Variants in KIZ observed in about 807,000 individuals in gnomAD.
KIZ encodes kizuna centrosomal protein.
KIZ carries 68 observed loss-of-function variants against 79.6 expected under a neutral mutation model. The ratio of observed to expected loss-of-function variants is 0.85; its 90% CI spans 0.70 to 1.05. KIZ has a LOEUF of 1.05. KIZ is among the 50% of genes least tolerant of loss of function. The probability of loss-of-function intolerance (pLI) is 0.00; values close to 1 mark genes in which losing one functional copy is unlikely to be tolerated. For missense variants in KIZ, 797 were observed against 800.4 expected (o/e 1.00, Z 0.05); for synonymous variants, 280 against 281.8 (o/e 0.99, Z 0.06).
chr20:21,155,177 T>C (rs1320588131), intron 4 of KIZ, among the ~76,000 whole-genome samples: 1 of 152,184 alleles, frequency 6.6e-6, no homozygotes, highest in East Asian at 1.9e-4. Flanking sequence ...CATTCAAGCA[T>C]AGCAGCTTGC....
At chr20:21,184,117 A>G (rs2034773748) in intron 6 of KIZ, among the ~76,000 whole-genome samples, 1 of 151,238 alleles carries the variant, frequency 6.6e-6, no homozygotes, top group Non-Finnish European at 1.5e-5. Flanking sequence ...TGGCAGACCC[A>G]ACACTTTCCT....
At chr20:21,228,365 T>A (rs1186219999) in intron 9 of KIZ, among the ~76,000 whole-genome samples, 3 of 152,216 alleles carry the variant, frequency 2.0e-5, no homozygotes, top group Non-Finnish European at 4.4e-5. Flanking sequence ...CCAATTTCAC[T>A]TATAGCAGAT....
At chr20:21,228,256 A>G (rs899720464) in intron 9 of KIZ, among the ~76,000 whole-genome samples, 1 of 152,138 alleles carries the variant, frequency 6.6e-6, no homozygotes, top group Non-Finnish European at 1.5e-5. Flanking sequence ...TTCATCCTGC[A>G]TTTCATCTGG....
chr20:21,141,797 C>T (rs894917018), intron 3 of KIZ, among the ~76,000 whole-genome samples: 2 of 136,534 alleles, frequency 1.5e-5, no homozygotes, highest in African/African-American at 6.0e-5. Context: ...TTACTCCTCC[C>T]AACACACACA....
chr20:21,146,572 T>A (rs2032860299), intron 4 of KIZ, among the ~76,000 whole-genome samples: 1 of 152,226 alleles, frequency 6.6e-6, no homozygotes, highest in Non-Finnish European at 1.5e-5. Context: ...ACCGATGGAA[T>A]CATTCAGCCA....
rs556051843 is a variant in KIZ at position 21,161,814 on chromosome 20, C to A, written c.406-57C>A. The stretch of plus-strand genomic sequence containing the variant: ...TTTCATTTCTGGAAAAAAAAAAAAA[C>A]CCCACCTAATTGTTTATACACAGTA... On this transcript the variant is annotated intron_variant, in intron 4 of 12. Coordinates refer to ENST00000619189, the MANE Select transcript of KIZ (RefSeq NM_018474.6). The A allele has an allele frequency of 2.6e-4, 288 of 1,094,334 alleles. 1 individual carries two copies. The highest frequency in any genetic ancestry group is 2.1e-3 in the East Asian group (80 of 37,402). The allele number at this position is 1,094,334 out of a possible 1,614,324, so 67.8% of individuals were successfully genotyped here.
intron 6 of KIZ, among the ~76,000 whole-genome samples, chr20:21,189,122 G>T (rs2035012031): frequency 2.0e-5 from 3 of 152,130 alleles, no homozygotes; most frequent in Non-Finnish European, 2.9e-5. Context: ...GGGATTAGAG[G>T]TATGAGCCAC....
At chr20:21,150,454 C>G (rs1196424949) in intron 4 of KIZ, among the ~76,000 whole-genome samples, 1 of 152,250 alleles carries the variant, frequency 6.6e-6, no homozygotes, top group Non-Finnish European at 1.5e-5. Flanking sequence ...GACGGGGGCT[C>G]TGAGCAGTTG....
At chr20:21,233,255 CT>C (rs1194375988) in intron 11 of KIZ, among the ~76,000 whole-genome samples, 6 of 151,414 alleles carry the variant, frequency 4.0e-5, no homozygotes, top group African/African-American at 7.3e-5. Context: ...TTATTTTCCT[CT>C]TTTTTTTTAA....
intron 6 of KIZ, among the ~76,000 whole-genome samples, chr20:21,204,105 G>GTTTT (rs71330816): frequency 9.3e-5 from 7 of 74,996 alleles, no homozygotes; most frequent in East Asian, 4.8e-4. Context: ...AGTCATCTAT[G>GTTTT]TTTTTTTTTT....
intron 6 of KIZ, among the ~76,000 whole-genome samples, chr20:21,186,088 G>A (rs1010904656): frequency 1.3e-5 from 2 of 152,018 alleles, no homozygotes; most frequent in African/African-American, 4.8e-5. Flanking sequence ...TGTGTTAATG[G>A]TTTGATTTTT....
At chr20:21,197,263 A>G (rs1164839317) in intron 6 of KIZ, 1 of 152,224 alleles carries the variant, frequency 6.6e-6, no homozygotes, top group African/African-American at 2.4e-5. Flanking sequence ...TACTCAGTAG[A>G]CTGGATATAG....
chr20:21,210,073 C>T (rs145853578), intron 7 of KIZ, among the ~76,000 whole-genome samples: 5 of 151,892 alleles, frequency 3.3e-5, no homozygotes, highest in East Asian at 1.9e-4. Flanking sequence ...TATGAGAGGC[C>T]GAGGTTGGTG....
intron 4 of KIZ, among the ~76,000 whole-genome samples, chr20:21,156,563 T>G (rs573896818): frequency 1.3e-5 from 2 of 152,274 alleles, no homozygotes; most frequent in Admixed American, 1.3e-4. Context: ...ATATAATACT[T>G]GGTGATAATA....
intron 9 of KIZ, among the ~76,000 whole-genome samples, chr20:21,221,156 T>C (rs1373291602): frequency 1.3e-5 from 2 of 152,192 alleles, no homozygotes; most frequent in Admixed American, 1.3e-4. Context: ...CCTTTTGAAC[T>C]ACTTACATCC....
In KIZ at chr20:21,215,667, A is replaced by G; in HGVS notation, c.1678+19A>G. On this transcript the variant is annotated intron_variant, in intron 9 of 12. Transcript: ENST00000619189. The stretch of plus-strand genomic sequence containing the variant: ...ATCACAGGTAAAGCTATGGTTGCCT[A>G]AGAGTTTCAGACACAAGATTTAGCA... 1.3e-6 allele frequency: 2 copies of G among 1,554,980 alleles called. No homozygotes were observed. Among genetic ancestry groups the G allele is most frequent in the South Asian group, 2.3e-5 (2 of 87,316 alleles).
intron 5 of KIZ, 44 bp from the exon 6 acceptor site, chr20:21,162,806 C>T: frequency 4.6e-6 from 7 of 1,512,516 alleles, no homozygotes; most frequent in Non-Finnish European, 6.3e-6. Flanking sequence ...CTTGCTTCCT[C>T]CTGAAGTCAG....
In KIZ at chr20:21,132,168, C is replaced by A; in HGVS notation, c.152+9C>A. 7.2e-7 allele frequency: 1 copy of A among 1,390,790 alleles called. No individual in the cohort carries two copies. The highest frequency in any genetic ancestry group is 9.8e-7 in the Non-Finnish European group (1 of 1,015,368). 86.2% of individuals were successfully genotyped at this position (1,390,790 alleles called of 1,614,324 possible). On this transcript the variant is annotated intron_variant, in intron 2 of 12. Coordinates refer to ENST00000619189, the MANE Select transcript of KIZ (RefSeq NM_018474.6). ...CAGTCTGATACATGCAGGTAAGAGACGACAGTGGGAACAGTTTTCAAGCCA... is the reference window on the plus strand; with the variant it reads ...CAGTCTGATACATGCAGGTAAGAGAAGACAGTGGGAACAGTTTTCAAGCCA...
At chr20:21,147,389 A>G (rs1303139681) in intron 4 of KIZ, among the ~76,000 whole-genome samples, 1 of 152,210 alleles carries the variant, frequency 6.6e-6, no homozygotes, top group South Asian at 2.1e-4. Context: ...TTTTCCATTG[A>G]TGTTCAACCA....
Sources: allele counts gnomAD v4.1 joint callset (sites outside exome capture counted in the v4.1 genomes callset), GRCh38; gene constraint gnomAD v4.1.1; transcripts MANE v1.5; gene names NCBI Gene and HGNC (gene_info 2026-07-23, HGNC 2026-07-21).